STON1: variants seen among roughly 807,000 people sequenced by gnomAD.
STON1 encodes stonin-1.
A neutral mutation model predicts 60.9 loss-of-function variants in STON1; 79 were observed. The ratio of observed to expected loss-of-function variants is 1.30; its 90% confidence interval spans 1.08 to 1.56. STON1 has a LOEUF of 1.56. Ranked by LOEUF, STON1 falls within the 40% of genes most tolerant of loss-of-function variation. The pLI is 0.00. For missense variants in STON1, 1,166 were observed against 858.9 expected (o/e 1.36, Z -4.47); for synonymous variants, 363 against 306.9 (o/e 1.18, Z -1.91).
chr2:48,594,304 C>T (rs1449254917), intron 3 of STON1, among the ~76,000 whole-genome samples: 2 of 152,148 alleles, frequency 1.3e-5, no homozygotes, highest in Non-Finnish European at 2.9e-5. Flanking sequence ...TACTTATTTT[C>T]CTATTCACAG....
rs548814413 is a variant in STON1 at position 48,546,138 on chromosome 2, C to T, written c.-48+15922C>T. Among the ~76,000 whole-genome samples, 14 of 152,318 alleles carry T rather than the reference C, an allele frequency of 9.2e-5. No homozygotes were observed. The South Asian group carries it at 2.5e-3, about 27-fold the overall frequency. On this transcript the variant is annotated intron_variant, in intron 1 of 3. Coordinates refer to ENST00000404752, the MANE Select transcript of STON1 (RefSeq NM_006873.4). ...TCTTGCCATTGGCCTTGCCATCTTC[C>T]GGTCTGTCCTTCACTCTTTCTAAAA...
At chr2:48,557,317 C>T (rs1294772388) in intron 1 of STON1, among the ~76,000 whole-genome samples, 3 of 85,736 alleles carry the variant, frequency 3.5e-5, no homozygotes, top group Non-Finnish European at 7.4e-5. Flanking sequence ...CGGGCAGAGG[C>T]GCTCCTCACA....
chr2:48,555,181 C>T (rs1403976437), intron 1 of STON1, among the ~76,000 whole-genome samples: 1 of 100,532 alleles, frequency 9.9e-6, no homozygotes, highest in Non-Finnish European at 2.1e-5. Flanking sequence ...CCGCCTTTCC[C>T]GCCTTTCTAT....
In STON1 at chr2:48,554,379, G is replaced by A. The variant is rs902819703; in HGVS notation, c.-48+24163G>A. ...TGGGATTACAGGCGTGCACCACCAT[G>A]CCCAGCTAATTTTTTGTATTTTTAA... is the stretch of plus-strand genomic sequence containing the variant. On this transcript the variant is annotated intron_variant, in intron 1 of 3. Coordinates refer to ENST00000404752, the MANE Select transcript of STON1 (RefSeq NM_006873.4). Among the ~76,000 whole-genome samples the A allele has an allele frequency of 9.1e-4, 139 of 152,082 alleles. 11 individuals carry two copies. Among genetic ancestry groups the A allele is most frequent in the Non-Finnish European group, 1.5e-4 (10 of 68,010 alleles).
At chr2:48,549,118 C>G (rs1329561027) in intron 1 of STON1, among the ~76,000 whole-genome samples, 3 of 152,210 alleles carry the variant, frequency 2.0e-5, no homozygotes, top group African/African-American at 7.2e-5. Context: ...TGTTTTCCCT[C>G]TGTGTGGTCA....
At chr2:48,556,745 G>C (rs1318166853) in intron 1 of STON1, among the ~76,000 whole-genome samples, 2 of 28,038 alleles carry the variant, frequency 7.1e-5, no homozygotes, top group Admixed American at 2.3e-4. Flanking sequence ...CCGGGCGGGG[G>C]GCTGACCCCC....
At chr2:48,589,347 C>T (rs151222303) in intron 2 of STON1, among the ~76,000 whole-genome samples, 2 of 152,292 alleles carry the variant, frequency 1.3e-5, no homozygotes, top group African/African-American at 4.8e-5. Flanking sequence ...GAACAATGAC[C>T]AAAGCTGGAC....
chr2:48,577,199 C>G (rs571073227), intron 1 of STON1, among the ~76,000 whole-genome samples: 1 of 152,112 alleles, frequency 6.6e-6, no homozygotes, highest in African/African-American at 2.4e-5. Flanking sequence ...TCTGTTTTTG[C>G]TTTTGTTGCC....
At chr2:48,561,439 C>A (rs1261982973) in intron 1 of STON1, among the ~76,000 whole-genome samples, 1 of 152,230 alleles carries the variant, frequency 6.6e-6, no homozygotes, top group Admixed American at 6.5e-5. Context: ...GGGTTCAACT[C>A]TGATAGCATC....
chr2:48,556,221 A>AC (rs1262974163), intron 1 of STON1, among the ~76,000 whole-genome samples: 52 of 29,124 alleles, frequency 1.8e-3, no homozygotes, highest in African/African-American at 5.7e-3. Context: ...CGGGGGGCTG[A>AC]CCCCCCCACC....
chr2:48,552,398 A>G (rs928047820), intron 1 of STON1, among the ~76,000 whole-genome samples: 1 of 152,198 alleles, frequency 6.6e-6, no homozygotes, highest in Non-Finnish European at 1.5e-5. Flanking sequence ...GTTTGGAAAG[A>G]TGAAAAAGTT....
chr2:48,560,221 C>G (rs72822302), intron 1 of STON1, among the ~76,000 whole-genome samples: 15,516 of 152,222 alleles, frequency 0.1, 1,094 homozygotes, highest in Middle Eastern at 0.2. Context: ...GGACAGTGGA[C>G]CTTCAGGGGA....
intron 1 of STON1, among the ~76,000 whole-genome samples, chr2:48,562,803 T>C (rs1672665883): frequency 6.6e-6 from 1 of 152,194 alleles, no homozygotes; most frequent in South Asian, 2.1e-4. Flanking sequence ...AGCAGACCTA[T>C]AGGCCAGACA....
At position 48,570,119 on chromosome 2, in the gene STON1, G is replaced by A. The variant is rs184581322; in HGVS notation, c.-47-10468G>A. 9.2e-5 allele frequency among the ~76,000 whole-genome samples: 14 copies of A among 152,334 alleles called. No homozygotes were observed. In the East Asian group the frequency reaches 1.5e-3, roughly 17 times the overall value. On this transcript the variant is annotated intron_variant, in intron 1 of 3. Coordinates refer to ENST00000404752, the MANE Select transcript of STON1 (RefSeq NM_006873.4). ...GGAGGCCAAGGCAGACAGATCACTT[G>A]AGGTCAGGAGTTTGAGGCCAGCCTG...
At chr2:48,562,783 G>T (rs1672664802) in intron 1 of STON1, among the ~76,000 whole-genome samples, 1 of 152,196 alleles carries the variant, frequency 6.6e-6, no homozygotes, top group Non-Finnish European at 1.5e-5. Flanking sequence ...TACAGGTTCT[G>T]TGGGTGGAGA....
rs760636274 is a variant in STON1, at chr2:48,581,604, T to C, written c.971T>C (p.Leu324Pro). The part of the protein sequence containing the change: ...GLEKPFKEIQ[L>P]DPYCRLSEPK... Reference sequence around the variant, plus strand: ...GAAAAACCATTTAAAGAGATACAGCTTGATCCATATTGTAGGCTTTCTGAA... The same window carrying C: ...GAAAAACCATTTAAAGAGATACAGCCTGATCCATATTGTAGGCTTTCTGAA... The change falls in exon 2 of 4, where the codon CTT becomes CCT. Residue 324 changes from leucine to proline, a missense_variant. Transcript: ENST00000404752. 2 of 1,614,238 alleles carry C rather than the reference T, an allele frequency of 1.2e-6. No individual in the cohort carries two copies. Among genetic ancestry groups the C allele is most frequent in the East Asian group, 2.2e-5 (1 of 44,892 alleles).
chr2:48,553,756 G>C (rs960008943), intron 1 of STON1, among the ~76,000 whole-genome samples: 3 of 152,078 alleles, frequency 2.0e-5, no homozygotes, highest in African/African-American at 7.2e-5. Flanking sequence ...CCAAAGTGCT[G>C]GGATTACAGG....
intron 3 of STON1, among the ~76,000 whole-genome samples, chr2:48,592,464 C>G (rs1169876818): frequency 6.6e-6 from 1 of 151,392 alleles, no homozygotes; most frequent in Non-Finnish European, 1.5e-5. Context: ...CGGCATCTCA[C>G]TCTGTCACCC....
At chr2:48,564,796 G>A (rs1320543814) in intron 1 of STON1, among the ~76,000 whole-genome samples, 9 of 134,000 alleles carry the variant, frequency 6.7e-5, no homozygotes, top group Non-Finnish European at 9.3e-5. Context: ...GCAGTGGCAC[G>A]ATCTTGGCTC....
Sources: gnomAD v4.1 joint callset for allele counts (sites outside exome capture counted in the v4.1 genomes callset) on GRCh38, gnomAD v4.1.1 for gene constraint, MANE v1.5 for transcripts, NCBI Gene and HGNC (gene_info 2026-07-23, HGNC 2026-07-21) for gene names.